The following TPRG1 variants were observed in gnomAD, a reference collection of about 807,000 sequenced individuals.
The protein encoded by TPRG1 is tumor protein p63 regulated 1.
A neutral mutation model predicts 29.3 loss-of-function variants in TPRG1; 29 were observed. That is an observed-to-expected ratio of 0.99 (90% CI 0.74 to 1.35). The LOEUF (loss-of-function observed/expected upper bound fraction) is 1.35, where lower values mean the gene tolerates loss of function less well. Among genes scored for constraint, TPRG1 ranks in the 40% most tolerant of loss-of-function variants. TPRG1 has a pLI of 0.00. For missense variants in TPRG1, 327 were observed against 335.0 expected (o/e 0.98, Z 0.19); for synonymous variants, 130 against 116.8 (o/e 1.11, Z -0.73).
At chr3:189,160,754 C>T (rs1373345228) in intron 5 of TPRG1, among the ~76,000 whole-genome samples, 1 of 152,166 alleles carries the variant, frequency 6.6e-6, no homozygotes, top group Non-Finnish European at 1.5e-5. Context: ...GACCTGTTTC[C>T]AAGGATACTC....
At chr3:189,302,652 C>T (rs915258328) in intron 4 of TPRG1, among the ~76,000 whole-genome samples, 2 of 152,198 alleles carry the variant, frequency 1.3e-5, no homozygotes, top group Admixed American at 1.3e-4. Context: ...CATTTAGATG[C>T]TCACAACTTA....
intron 4 of TPRG1, among the ~76,000 whole-genome samples, chr3:189,054,117 T>C (rs1715506536): frequency 1.3e-5 from 2 of 152,144 alleles, no homozygotes; most frequent in Admixed American, 6.5e-5. Flanking sequence ...TGATTTAAAA[T>C]GAGAGACATG....
chr3:189,253,276 G>C (rs928604977), intron 4 of TPRG1, among the ~76,000 whole-genome samples: 5 of 151,946 alleles, frequency 3.3e-5, no homozygotes, highest in Non-Finnish European at 1.5e-5. Context: ...ACTCCCACTT[G>C]TGAGTGAACT....
intron 1 of TPRG1, among the ~76,000 whole-genome samples, chr3:189,109,620 A>T (rs1263285328): frequency 6.6e-6 from 1 of 152,232 alleles, no homozygotes; most frequent in Non-Finnish European, 1.5e-5. Context: ...CGTATAATAC[A>T]TTTAAGTGTG....
intron 4 of TPRG1, among the ~76,000 whole-genome samples, chr3:189,300,625 G>A: frequency 6.6e-6 from 1 of 152,126 alleles, no homozygotes; most frequent in East Asian, 1.9e-4. Flanking sequence ...GATTTGCTTT[G>A]CTGTTTGTAG....
chr3:189,219,424 G>A (rs896508889), intron 3 of TPRG1: 14 of 268,266 alleles, frequency 5.2e-5, no homozygotes, highest in African/African-American at 2.1e-4. Flanking sequence ...GCCTCCAGGC[G>A]AGCTCATCCA....
At chr3:189,230,455 C>G (rs1260817244) in intron 3 of TPRG1, among the ~76,000 whole-genome samples, 2 of 152,062 alleles carry the variant, frequency 1.3e-5, no homozygotes, top group Non-Finnish European at 2.9e-5. Flanking sequence ...TGTGTTGTGT[C>G]CCTGCATGTG....
At chr3:189,177,962 G>A (rs1729715339) in intron 1 of TPRG1, among the ~76,000 whole-genome samples, 1 of 152,172 alleles carries the variant, frequency 6.6e-6, no homozygotes, top group African/African-American at 2.4e-5. Context: ...AATGTGGTGT[G>A]TCCTGGGAGT....
At chr3:189,063,429 A>T (rs1716244023) in intron 4 of TPRG1, among the ~76,000 whole-genome samples, 1 of 152,140 alleles carries the variant, frequency 6.6e-6, no homozygotes, top group African/African-American at 2.4e-5. Context: ...TCTAAACGAC[A>T]TATGTAAAAA....
chr3:189,022,872 T>C (rs557645782), intron 3 of TPRG1, among the ~76,000 whole-genome samples: 535 of 152,134 alleles, frequency 3.5e-3, no homozygotes, highest in Middle Eastern at 0.01. Context: ...GTGCTAGCAA[T>C]CAGCGAGACT....
chr3:189,199,167 C>T (rs181709273), intron 1 of TPRG1, among the ~76,000 whole-genome samples: 5 of 152,292 alleles, frequency 3.3e-5, no homozygotes, highest in African/African-American at 4.8e-5. Context: ...AAACAACACC[C>T]TGTAATCTCC....
At chr3:189,252,146 G>A (rs984980675) in intron 4 of TPRG1, among the ~76,000 whole-genome samples, 1 of 152,138 alleles carries the variant, frequency 6.6e-6, no homozygotes, top group African/African-American at 2.4e-5. Context: ...ATCTTGCACC[G>A]CCCTTAATCC....
chr3:189,006,705 C>T (rs1029757942), intron 3 of TPRG1, among the ~76,000 whole-genome samples: 1 of 151,892 alleles, frequency 6.6e-6, no homozygotes, highest in Non-Finnish European at 1.5e-5. Context: ...TCATTACAGT[C>T]CCAGTTTAAA....
chr3:189,299,867 G>A (rs1577004446), intron 4 of TPRG1, among the ~76,000 whole-genome samples: 1 of 152,154 alleles, frequency 6.6e-6, no homozygotes, highest in East Asian at 1.9e-4. Flanking sequence ...GGTTGGAGCT[G>A]TGAGGGGTTG....
intron 3 of TPRG1, among the ~76,000 whole-genome samples, chr3:189,135,911 A>G (rs1425783067): frequency 6.6e-6 from 1 of 152,114 alleles, no homozygotes; most frequent in Non-Finnish European, 1.5e-5. Flanking sequence ...CAATTCAAAT[A>G]TCTCCTACTC....
chr3:189,143,019 A>G (rs1724778969), intron 3 of TPRG1, among the ~76,000 whole-genome samples: 1 of 152,264 alleles, frequency 6.6e-6, no homozygotes, highest in African/African-American at 2.4e-5. Flanking sequence ...GAAAGATTAT[A>G]CAAGTGATAG....
At chr3:189,319,070 T>A (rs1368384228) in intron 5 of TPRG1, among the ~76,000 whole-genome samples, 1 of 152,130 alleles carries the variant, frequency 6.6e-6, no homozygotes, top group Non-Finnish European at 1.5e-5. Context: ...CCAGATCCCC[T>A]CTACATTGCC....
At chr3:189,177,576 T>C (rs1282814040) in intron 1 of TPRG1, among the ~76,000 whole-genome samples, 2 of 151,628 alleles carry the variant, frequency 1.3e-5, no homozygotes, top group Non-Finnish European at 2.9e-5. Flanking sequence ...AATGAGGTAA[T>C]CAAAGGAGTT....
Position 189,215,386 on chromosome 3 carries a change from G to GAGT in TPRG1, c.302+7_302+9dup. ...CAAGGCTTCTGGCTCTTGACAAAGT[G>GAGT]AGTAGTCACAGCTAAGTGAAGGGCC... On this transcript the variant is annotated splice_donor_region_variant and intron_variant, in intron 3 of 5. Coordinates refer to ENST00000345063, the MANE Select transcript of TPRG1 (RefSeq NM_198485.4). The GAGT allele has an allele frequency of 2.5e-6, 4 of 1,610,548 alleles. No homozygotes were observed. The highest frequency in any genetic ancestry group is 1.1e-5 in the South Asian group (1 of 90,304).
Sources: gnomAD v4.1 joint callset for allele counts (sites outside exome capture counted in the v4.1 genomes callset) on GRCh38, gnomAD v4.1.1 for gene constraint, MANE v1.5 for transcripts, NCBI Gene and HGNC (gene_info 2026-07-23, HGNC 2026-07-21) for gene names.